EIF3A: variants seen among roughly 807,000 people sequenced by gnomAD.
EIF3A encodes the protein EIF3, p180 subunit.
In EIF3A, 21 loss-of-function variants were observed where a neutral mutation model predicts 186.6. That is an observed-to-expected ratio of 0.11 (90% CI 0.08 to 0.16). The LOEUF (loss-of-function observed/expected upper bound fraction) is 0.16, where lower values mean the gene tolerates loss of function less well. EIF3A is among the 10% of genes least tolerant of loss of function. EIF3A has a pLI of 1.00. For missense variants in EIF3A, 1,306 were observed against 1,796.3 expected (o/e 0.73, Z 4.93); for synonymous variants, 563 against 584.3 (o/e 0.96, Z 0.52).
intron 21 of EIF3A, among the ~76,000 whole-genome samples, chr10:119,036,511 C>A (rs958709520): frequency 1.8e-4 from 27 of 152,008 alleles, no homozygotes; most frequent in African/African-American, 6.5e-4. Flanking sequence ...AAACCACTAG[C>A]CTGGGAAGGA....
rs777273315 is a variant in EIF3A at position 119,034,308 on chromosome 10, T to G, written c.*1731A>C. The G allele has an allele frequency of 2.4e-5, 4 of 166,578 alleles. No individual in the cohort carries two copies. Among genetic ancestry groups the G allele is most frequent in the African/African-American group, 9.6e-5 (4 of 41,456 alleles). 10.3% of individuals were successfully genotyped at this position (166,578 alleles called of 1,614,324 possible). A position where few individuals can be genotyped will look rare whatever the true frequency, so the allele number is the denominator to read the frequency against. On this transcript the variant is annotated 3_prime_UTR_variant, in exon 22 of 22. Transcript: ENST00000369144. ...GACTGAGCAGAAAGGATGGGTTTGC[T>G]GACTCGCCTTGAAATCTAACTCTAA...
intron 6 of EIF3A, 119 bp downstream of exon 6, chr10:119,069,327 T>C (rs1302684788): frequency 1.6e-6 from 1 of 642,048 alleles, no homozygotes; most frequent in African/African-American, 1.8e-5. Context: ...CTAAGAATTA[T>C]CCAACCCAAA....
At chr10:119,076,720 G>A (rs1181284050) in intron 1 of EIF3A, among the ~76,000 whole-genome samples, 3 of 151,940 alleles carry the variant, frequency 2.0e-5, no homozygotes, top group African/African-American at 7.3e-5. Context: ...GGCATCACTT[G>A]CGGTCAGGAG....
At position 119,080,721 on chromosome 10, in the gene EIF3A, T is replaced by C; in HGVS notation, c.-45A>G. ...CACCCGGCGTCAGCGAACTCTCTAG[T>C]GGCCCGGGCCGGGAGAGGAGACGAA... On this transcript the variant is annotated 5_prime_UTR_variant, in exon 1 of 22. Transcript: ENST00000369144. 2 of 1,563,546 alleles carry C rather than the reference T, an allele frequency of 1.3e-6. No homozygotes were observed. The highest frequency in any genetic ancestry group is 2.4e-5 in the East Asian group (1 of 41,554).
chr10:119,054,702 G>A (rs1848400929), intron 14 of EIF3A, among the ~76,000 whole-genome samples: 1 of 146,182 alleles, frequency 6.8e-6, no homozygotes, highest in African/African-American at 2.5e-5. Context: ...ACTCCAGCTT[G>A]GGCAACAACG....
intron 17 of EIF3A, 93 bp downstream of exon 17, chr10:119,049,708 C>T (rs1285844368): frequency 4.4e-6 from 5 of 1,147,226 alleles, no homozygotes; most frequent in Admixed American, 2.1e-5. Flanking sequence ...GTACTCCAGC[C>T]TGGGCAACCT....
chr10:119,061,586 A>G (rs1297788891), intron 7 of EIF3A, among the ~76,000 whole-genome samples: 1 of 152,142 alleles, frequency 6.6e-6, no homozygotes, highest in Non-Finnish European at 1.5e-5. Context: ...AAACACAACT[A>G]CAACCAATTA....
rs1848104870 is a variant in EIF3A at position 119,034,751 on chromosome 10, T to A, written c.*1288A>T. ...ATTTTCTCAAATTAACTACGATTTT[T>A]CTAATTTCAGGTGAAAACCCAAGGT... On this transcript the variant is annotated 3_prime_UTR_variant, in exon 22 of 22. Transcript: ENST00000369144. 6.6e-6 allele frequency: 1 copy of A among 152,198 alleles called. No homozygotes were observed. Among genetic ancestry groups the A allele is most frequent in the Non-Finnish European group, 1.5e-5 (1 of 68,038 alleles). 9.4% of individuals were successfully genotyped at this position (152,198 alleles called of 1,614,324 possible).
chr10:119,071,490 C>T (rs1037121314), intron 4 of EIF3A, among the ~76,000 whole-genome samples: 3 of 152,078 alleles, frequency 2.0e-5, no homozygotes, highest in Non-Finnish European at 2.9e-5. Context: ...CTACATAATA[C>T]AAATTGAGGG....
Position 119,038,352 on chromosome 10 carries a change from C to T in EIF3A, c.3614G>A (p.Arg1205Lys), listed in dbSNP as rs747731853. ...ATTATCTCTGTCCCTTTCTTTTTCT[C>T]TGTCCCATTCACGTTCTTCTGATGG... ...SRPSEEREWD[R>K]EKERDRDNQD... The change falls in exon 20 of 22, where the codon AGA (arginine) becomes AAA (lysine). Residue 1205 changes from arginine (R) to lysine (K), a missense_variant. By Grantham distance (26) the Arg-to-Lys change is conservative. Coordinates refer to ENST00000369144, the MANE Select transcript of EIF3A (RefSeq NM_003750.4). The T allele has an allele frequency of 6.2e-7, 1 of 1,614,172 alleles. No homozygotes were observed. The highest frequency in any genetic ancestry group is 1.1e-5 in the South Asian group (1 of 91,086).
chr10:119,042,343 G>C lies in EIF3A; in HGVS notation c.3177C>G (p.Ser1059=), dbSNP rs528239308. Residue 1059 remains serine (S), a synonymous_variant, in exon 19 of 22, where the codon TCC becomes TCG. Transcript: ENST00000369144. This position sits in a 1 kb window ranked among gnomAD's most constrained non-coding sequence, Gnocchi z 7.8. ...RRGGADDERS[S]WRNADDDRGP... is the part of the protein sequence containing the mutation. The stretch of plus-strand genomic sequence containing the variant: ...CCCGGTCATCATCAGCATTACGCCA[G>C]GATGATCGCTCATCATCAGCGCCTC... 8 of 1,612,858 alleles carry C rather than the reference G, an allele frequency of 5.0e-6. No homozygotes were observed. Among genetic ancestry groups the C allele is most frequent in the Non-Finnish European group, 6.8e-6 (8 of 1,179,702 alleles).
In EIF3A at chr10:119,046,984, A is replaced by G. The variant is rs147919872; in HGVS notation, c.2658+2817T>C. On this transcript the variant is annotated intron_variant, in intron 17 of 21. Transcript: ENST00000369144. The stretch of plus-strand genomic sequence containing the variant: ...AATAGAGAAAATAAAAGTGAACCTA[A>G]AGGCCAGGCATAGTGGCTCACGCCT... Among the ~76,000 whole-genome samples, 882 of 146,330 alleles carry G rather than the reference A, an allele frequency of 6.0e-3. 6 individuals carry two copies. The highest frequency in any genetic ancestry group is 0.021 in the African/African-American group (828 of 39,114).
intron 17 of EIF3A, among the ~76,000 whole-genome samples, chr10:119,047,407 A>G (rs1174661351): frequency 6.6e-6 from 1 of 152,192 alleles, no homozygotes; most frequent in Non-Finnish European, 1.5e-5. Context: ...ACTAGTTACC[A>G]TGTTAAATGC....
In EIF3A at chr10:119,035,938, A is replaced by C. The variant is rs1589682378; in HGVS notation, c.*101T>G. On this transcript the variant is annotated 3_prime_UTR_variant, in exon 22 of 22. Coordinates refer to ENST00000369144, the MANE Select transcript of EIF3A (RefSeq NM_003750.4). ...GCTTTTTGTGTTATGGTGAAACAACATTAAAGAATCCAATTTAGATTGGTT... is the reference window on the plus strand; with the variant it reads ...GCTTTTTGTGTTATGGTGAAACAACCTTAAAGAATCCAATTTAGATTGGTT... 1.1e-6 allele frequency: 1 copy of C among 871,466 alleles called. No individual in the cohort carries two copies. Among genetic ancestry groups the C allele is most frequent in the East Asian group, 2.6e-5 (1 of 39,124 alleles). 54.0% of individuals were successfully genotyped at this position (871,466 alleles called of 1,614,324 possible). A position where few individuals can be genotyped will look rare whatever the true frequency, so the allele number is the denominator to read the frequency against.
At chr10:119,049,730 C>T (rs1848331289) in intron 17 of EIF3A, 71 bp downstream of exon 17, 1 of 1,392,120 alleles carries the variant, frequency 7.2e-7, no homozygotes. Flanking sequence ...GGCGACAGAG[C>T]AAGACTGTGC....
In EIF3A at chr10:119,049,898, A is replaced by G. The variant is rs764924492; in HGVS notation, c.2561T>C (p.Val854Ala). 1.2e-6 allele frequency: 2 copies of G among 1,613,430 alleles called. No individual in the cohort carries two copies. The highest frequency in any genetic ancestry group is 1.6e-4 in the Middle Eastern group (1 of 6,062). ...YQERVKKLEE[V>A]ERKKRQRELE... ...CTCCCTTTGGCGTTTTTTCCTTTCC[A>G]CTTCTTCTAATTTCTTCACCCGCTC... The change falls in exon 17 of 22, where the codon GTG becomes GCG. Residue 854 changes from valine to alanine, a missense_variant. Val to Ala is a moderately conservative substitution (Grantham distance 64). Around this residue, in one of 8 missense-constraint regions of EIF3A, gnomAD observed 410 missense variants for 473.5 expected, o/e 0.87. Transcript: ENST00000369144.
chr10:119,075,879 A>ATTTTTTTTTT (rs58100835), intron 1 of EIF3A, among the ~76,000 whole-genome samples: 159 of 93,926 alleles, frequency 1.7e-3, no homozygotes, highest in Non-Finnish European at 2.2e-3. Flanking sequence ...CGCCTGGCTA[A>ATTTTTTTTTT]TTTTTTTTTT....
At chr10:119,078,147 T>C (rs532773386) in intron 1 of EIF3A, among the ~76,000 whole-genome samples, 42 of 152,252 alleles carry the variant, frequency 2.8e-4, no homozygotes, top group African/African-American at 9.6e-4. Flanking sequence ...GTGGCCTTAA[T>C]AGCTTTATTT....
Position 119,050,526 on chromosome 10 carries a change from A to C in EIF3A, c.2468T>G (p.Leu823Arg). 6.2e-7 allele frequency: 1 copy of C among 1,613,918 alleles called. No homozygotes were observed. The highest frequency in any genetic ancestry group is 8.5e-7 in the Non-Finnish European group (1 of 1,179,924). ...EEQRRAEEQM[L>R]KEREERERAE... The stretch of plus-strand genomic sequence containing the variant: ...ATCCTGTTTGACCTGTGTACCTTTT[A>C]GCATTTGTTCTTCTGCCCTTCTCTG... The change falls in exon 16 of 22, where the codon CTA becomes CGA. Residue 823 changes from leucine to arginine, a missense_variant. By Grantham distance (102) the Leu-to-Arg change is moderately radical. Transcript: ENST00000369144.
Sources: allele counts gnomAD v4.1 joint callset (sites outside exome capture counted in the v4.1 genomes callset), GRCh38; gene constraint gnomAD v4.1.1; regional missense constraint gnomAD v4.1.1; non-coding constraint Gnocchi (gnomAD v3.1); transcripts MANE v1.5; gene names NCBI Gene and HGNC (gene_info 2026-07-23, HGNC 2026-07-21).